The following SDCBP2 variants were observed in gnomAD, a reference collection of about 807,000 sequenced individuals.
SDCBP2 encodes syndecan binding protein 2.
In SDCBP2, 28 loss-of-function variants were observed where a neutral mutation model predicts 30.7. The ratio of observed to expected loss-of-function variants is 0.91; its 90% CI spans 0.68 to 1.25. The LOEUF is 1.25. Among genes scored for constraint, SDCBP2 ranks in the 50% most tolerant of loss-of-function variants. The pLI is 0.00. For synonymous variants in SDCBP2, 166 were observed against 157.3 expected, an observed-to-expected ratio of 1.06 and a Z score of -0.41; for missense variants, 399 against 379.0, an observed-to-expected ratio of 1.05 and a Z score of -0.44.
At position 1,312,432 on chromosome 20, in the gene SDCBP2, C is replaced by T. The variant is rs769627269; in HGVS notation, c.637G>A (p.Val213Ile). 1.2e-6 allele frequency: 2 copies of T among 1,614,040 alleles called. No homozygotes were observed. Among genetic ancestry groups the T allele is most frequent in the South Asian group, 2.2e-5 (2 of 91,050 alleles). The change falls in exon 7 of 9, where the codon GTC (valine) becomes ATC (isoleucine). Residue 213 changes from valine to isoleucine, a missense_variant. Coordinates refer to ENST00000360779, the MANE Select transcript of SDCBP2 (RefSeq NM_080489.5). ...VGFVIKKGKIVSLVKGSSAAR... is the reference protein window; with the variant it reads ...VGFVIKKGKIISLVKGSSAAR... ...GCAGAACTCCCTTTGACCAGAGAGA[C>T]AATCTTCCCCTTCTTGATCACGAAG...
intron 8 of SDCBP2, 51 bp downstream of exon 8, chr20:1,310,749 A>T (rs2273956): frequency 6.5e-5 from 97 of 1,493,218 alleles, no homozygotes; most frequent in Non-Finnish European, 8.8e-5. Context: ...CGGGAGGTGA[A>T]GGGGATGGCA....
intron 1 of SDCBP2, among the ~76,000 whole-genome samples, chr20:1,327,371 T>C (rs2088944089): frequency 6.6e-6 from 1 of 152,228 alleles, no homozygotes; most frequent in Non-Finnish European, 1.5e-5. Flanking sequence ...CTCGTTCCTG[T>C]GGACAGCTCA....
intron 7 of SDCBP2, among the ~76,000 whole-genome samples, chr20:1,311,896 C>CTTT (rs2088675826): frequency 1.9e-5 from 1 of 52,558 alleles, no homozygotes; most frequent in African/African-American, 9.8e-5. Context: ...TCTAGGTACA[C>CTTT]TGTCTTTTTT....
chr20:1,327,303 G>A (rs1306113047), intron 1 of SDCBP2, among the ~76,000 whole-genome samples: 1 of 152,190 alleles, frequency 6.6e-6, no homozygotes, highest in Admixed American at 6.5e-5. Flanking sequence ...TTTGAACTTA[G>A]AGTGAGAACA....
chr20:1,312,419 T>C lies in SDCBP2; in HGVS notation c.650A>G (p.Lys217Arg). The C allele has an allele frequency of 6.2e-7, 1 of 1,613,986 alleles. No individual in the cohort carries two copies. The highest frequency in any genetic ancestry group is 8.5e-7 in the Non-Finnish European group (1 of 1,179,944). Residue 217 changes from lysine (K) to arginine (R), a missense_variant, in exon 7 of 9, where the codon AAA becomes AGA. Transcript: ENST00000360779. ...CCCGTTGCGGGCCGCAGAACTCCCTTTGACCAGAGAGACAATCTTCCCCTT... is the reference window on the plus strand; with the variant it reads ...CCCGTTGCGGGCCGCAGAACTCCCTCTGACCAGAGAGACAATCTTCCCCTT... The part of the protein sequence containing the change: ...IKKGKIVSLV[K>R]GSSAARNGLL...
In SDCBP2 at chr20:1,316,111, G is replaced by A. The variant is rs555612335; in HGVS notation, c.225+2207C>T. On this transcript the variant is annotated intron_variant, in intron 4 of 8. Transcript: ENST00000360779. ...AGCAAGACCCTGTCTCAAAAAACAA[G>A]AAGAAGAAAACAAGCCATTTAGAAA... Among the ~76,000 whole-genome samples, 8 of 152,018 alleles carry A rather than the reference G, an allele frequency of 5.3e-5. 1 individual carries two copies. In the South Asian group the frequency reaches 1.2e-3, roughly 24 times the overall value.
Position 1,312,640 on chromosome 20 carries a change from A to C in SDCBP2, c.507T>G (p.His169Gln). The change falls in exon 6 of 9, where the codon CAT becomes CAG. Residue 169 changes from histidine (H) to glutamine (Q), a missense_variant. Physicochemically the swap from His to Gln is conservative, Grantham distance 24. Transcript: ENST00000360779. ...CGCCTGATGCCTTCTTCACCACCTG[A>C]TGGGCTTTGTGCGAGCTCCACCCAG... ...DCAGWSSHKA[H>Q]QVVKKASGDK... 6.2e-7 allele frequency: 1 copy of C among 1,614,088 alleles called. No homozygotes were observed. Among genetic ancestry groups the C allele is most frequent in the South Asian group, 1.1e-5 (1 of 91,074 alleles).
chr20:1,313,335 C>T lies in SDCBP2; in HGVS notation c.384+5G>A, dbSNP rs1270768505. On this transcript the variant is annotated splice_donor_5th_base_variant and intron_variant, in intron 5 of 8. Coordinates refer to ENST00000360779, the MANE Select transcript of SDCBP2 (RefSeq NM_080489.5). This position sits in a 1 kb window ranked among gnomAD's most constrained non-coding sequence, Gnocchi z 5.2. Reference sequence around the variant, plus strand: ...TCCTCTTCCCACCCAGCCCCCGCGCCCTACCTGGTCGACCTTCCGCAGCCT... The same window carrying T: ...TCCTCTTCCCACCCAGCCCCCGCGCTCTACCTGGTCGACCTTCCGCAGCCT... 3 of 1,610,648 alleles carry T rather than the reference C, an allele frequency of 1.9e-6. No homozygotes were observed. Among genetic ancestry groups the T allele is most frequent in the Non-Finnish European group, 2.5e-6 (3 of 1,179,472 alleles).
rs73892929 is a variant in SDCBP2, at chr20:1,318,184, C to T, written c.225+134G>A. On this transcript the variant is annotated intron_variant, in intron 4 of 8. Coordinates refer to ENST00000360779, the MANE Select transcript of SDCBP2 (RefSeq NM_080489.5). ...CAAAATGAACGGTGCCATCAAGAAA[C>T]AGAGCCAGCAGAGTGCTGGGGAGAG... The T allele has an allele frequency of 5.7e-3, 4,114 of 718,724 alleles. 122 individuals are homozygous for T. The African/African-American group carries it at 0.064, about 11-fold the overall frequency. 44.5% of individuals were successfully genotyped at this position (718,724 alleles called of 1,614,324 possible). A position where few individuals can be genotyped will look rare whatever the true frequency, so the allele number is the denominator to read the frequency against.
At chr20:1,323,911 C>CA (rs2088882904) in intron 1 of SDCBP2, 1 of 152,056 alleles carries the variant, frequency 6.6e-6, no homozygotes, top group African/African-American at 2.4e-5. Context: ...GAAAGGCATA[C>CA]TGTATCCCCT....
chr20:1,322,799 G>A (rs1257754379), intron 1 of SDCBP2: 1 of 152,172 alleles, frequency 6.6e-6, no homozygotes, highest in Non-Finnish European at 1.5e-5. Flanking sequence ...TTGAACTCCT[G>A]GGCTCAAGCA....
At chr20:1,311,791 A>G (rs1407535388) in intron 7 of SDCBP2, among the ~76,000 whole-genome samples, 1 of 152,214 alleles carries the variant, frequency 6.6e-6, no homozygotes, top group African/African-American at 2.4e-5. Context: ...ACTATACCAA[A>G]AAAAGTGCCA....
At chr20:1,319,480 G>T in intron 3 of SDCBP2, 110 bp downstream of exon 3, 2 of 1,158,388 alleles carry the variant, frequency 1.7e-6, no homozygotes, top group Non-Finnish European at 2.5e-6. Context: ...CCACCATGTT[G>T]AGTCCTTAAC....
rs2088831437 is a variant in SDCBP2, at chr20:1,320,027, G to C, written c.54+336C>G. Among the ~76,000 whole-genome samples, 1 of 152,206 alleles carries C rather than the reference G, an allele frequency of 6.6e-6. No individual in the cohort carries two copies. Among genetic ancestry groups the C allele is most frequent in the Non-Finnish European group, 1.5e-5 (1 of 68,030 alleles). On this transcript the variant is annotated intron_variant, in intron 2 of 8. Coordinates refer to ENST00000360779, the MANE Select transcript of SDCBP2 (RefSeq NM_080489.5). The surrounding 1 kb of genome is among the most constrained non-coding windows in gnomAD (Gnocchi z 4.7). ...GAGGAAGGGGGCTTCTGGGGGCTAA[G>C]CAGACCAATGCCTATGCCCACTAGT...
chr20:1,318,485 C>T, intron 3 of SDCBP2, 67 bp from the exon 4 acceptor site: 1 of 966,734 alleles, frequency 1.0e-6, no homozygotes. Flanking sequence ...GCCTGCCTGG[C>T]TCCCCTGTGG....
At position 1,313,429 on chromosome 20, in the gene SDCBP2, G is replaced by C. The variant is rs141976631; in HGVS notation, c.295C>G (p.Arg99Gly). Residue 99 changes from arginine to glycine, a missense_variant, in exon 5 of 9, where the codon CGA becomes GGA. Transcript: ENST00000360779. The surrounding 1 kb of genome is among the most constrained non-coding windows in gnomAD (Gnocchi z 5.2). ...PVTGYSLGVR[R>G]AEIKPGVREI... Reference sequence around the variant, plus strand: ...CGCACCCCGGGCTTGATCTCAGCTCGCCGCACGCCCAGGCTGTACCCGGTT... The same window carrying C: ...CGCACCCCGGGCTTGATCTCAGCTCCCCGCACGCCCAGGCTGTACCCGGTT... 3.1e-6 allele frequency: 5 copies of C among 1,603,954 alleles called. No individual in the cohort carries two copies. The African/African-American group carries it at 4.0e-5, about 13-fold the overall frequency.
intron 4 of SDCBP2, chr20:1,317,962 G>A (rs1053489957): frequency 1.4e-5 from 5 of 358,846 alleles, no homozygotes; most frequent in East Asian, 7.2e-5. Context: ...GTTGGGTGAC[G>A]AGCTCCTGCC....
Position 1,312,512 on chromosome 20 carries a change from G to A in SDCBP2, c.561-4C>T. ...GGTGACAGTCCGCTGGAACGGCCTG[G>A]CAGGAGGGACAGTGAGCTGTCCTGG... is the stretch of plus-strand genomic sequence containing the variant. On this transcript the variant is annotated splice_region_variant and splice_polypyrimidine_tract_variant and intron_variant, in intron 6 of 8. Coordinates refer to ENST00000360779, the MANE Select transcript of SDCBP2 (RefSeq NM_080489.5). The A allele has an allele frequency of 6.2e-7, 1 of 1,614,146 alleles. No individual in the cohort carries two copies. Among genetic ancestry groups the A allele is most frequent in the Non-Finnish European group, 8.5e-7 (1 of 1,180,012 alleles).
rs2088833643 is a variant in SDCBP2 at position 1,320,232 on chromosome 20, G to T, written c.54+131C>A. ...CCTGGATGTCTTCTCTGCCCAGCAG[G>T]CCCTGCAGTGGACACCTACATGCCC... On this transcript the variant is annotated intron_variant, in intron 2 of 8. Transcript: ENST00000360779. This position sits in a 1 kb window ranked among gnomAD's most constrained non-coding sequence, Gnocchi z 4.7. 2 of 753,982 alleles carry T rather than the reference G, an allele frequency of 2.7e-6. No homozygotes were observed. The highest frequency in any genetic ancestry group is 4.5e-6 in the Non-Finnish European group (2 of 448,350). 46.7% of individuals were successfully genotyped at this position (753,982 alleles called of 1,614,324 possible). A position where few individuals can be genotyped will look rare whatever the true frequency, so the allele number is the denominator to read the frequency against.
Sources: gnomAD v4.1 joint callset for allele counts (sites outside exome capture counted in the v4.1 genomes callset) on GRCh38, gnomAD v4.1.1 for gene constraint, Gnocchi (gnomAD v3.1) non-coding constraint, MANE v1.5 for transcripts, NCBI Gene and HGNC (gene_info 2026-07-23, HGNC 2026-07-21) for gene names.